The following PCA3 variants were observed in gnomAD, a reference collection of about 807,000 sequenced individuals.
The protein encoded by PCA3 is Differential Display code 3.
chr9:76,771,791 A>AG (rs2053139168), intron 2 of PCA3, among the ~76,000 whole-genome samples: 1 of 152,166 alleles, frequency 6.6e-6, no homozygotes, highest in African/African-American at 2.4e-5. Flanking sequence ...TCCCAGAGGG[A>AG]GAGGCCACTA....
intron 2 of PCA3, among the ~76,000 whole-genome samples, chr9:76,777,289 G>A (rs1177572791): frequency 6.6e-6 from 1 of 152,156 alleles, no homozygotes; most frequent in African/African-American, 2.4e-5. Context: ...TTCTCAGACT[G>A]CCCTGTTCTC....
intron 2 of PCA3, among the ~76,000 whole-genome samples, chr9:76,775,318 A>G (rs2053615702): frequency 6.6e-6 from 1 of 151,776 alleles, no homozygotes; most frequent in Admixed American, 6.6e-5. Flanking sequence ...TTTTTTTGAG[A>G]CAAGGTCTCA....
At chr9:76,782,576 G>T (rs1298590570) in intron 2 of PCA3, 1 of 152,204 alleles carries the variant, frequency 6.6e-6, no homozygotes, top group African/African-American at 2.4e-5. Flanking sequence ...CCAGCCATAT[G>T]TTAAGTTCCA....
intron 2 of PCA3, among the ~76,000 whole-genome samples, chr9:76,769,545 C>G (rs1450281873): frequency 6.6e-6 from 1 of 152,244 alleles, no homozygotes; most frequent in African/African-American, 2.4e-5. Flanking sequence ...CCTGCCTCAG[C>G]CTCCCAAGTA....
chr9:76,775,359 C>T (rs1229425144), intron 2 of PCA3, among the ~76,000 whole-genome samples: 4 of 152,118 alleles, frequency 2.6e-5, no homozygotes, highest in African/African-American at 9.7e-5. Context: ...TGCAGTTGCA[C>T]GATCACAGTT....
chr9:76,773,726 G>T (rs2053384598), intron 2 of PCA3, among the ~76,000 whole-genome samples: 1 of 152,176 alleles, frequency 6.6e-6, no homozygotes, highest in Non-Finnish European at 1.5e-5. Flanking sequence ...TTACAGGCGT[G>T]AGCCACCGCA....
intron 2 of PCA3, among the ~76,000 whole-genome samples, chr9:76,768,304 T>C (rs1219354298): frequency 1.3e-5 from 2 of 152,160 alleles, no homozygotes; most frequent in Non-Finnish European, 2.9e-5. Context: ...ACAATTCTCC[T>C]ACCTCAGCCT....
At chr9:76,779,194 G>A (rs1254132342) in intron 2 of PCA3, among the ~76,000 whole-genome samples, 1 of 150,758 alleles carries the variant, frequency 6.6e-6, no homozygotes, top group Non-Finnish European at 1.5e-5. Context: ...ATATGCAGAA[G>A]ATAATTAAAT....
chr9:76,780,406 G>A (rs937560224), intron 2 of PCA3, among the ~76,000 whole-genome samples: 7 of 152,060 alleles, frequency 4.6e-5, no homozygotes, highest in South Asian at 2.1e-4. Flanking sequence ...ACCAAGCAGC[G>A]GCCAGGCACG....
chr9:76,770,462 T>C (rs898954734), intron 2 of PCA3, among the ~76,000 whole-genome samples: 1 of 152,136 alleles, frequency 6.6e-6, no homozygotes, highest in African/African-American at 2.4e-5. Context: ...AATGAATATA[T>C]GATTCAAAAA....
At chr9:76,783,544 G>T (rs1167949347) in intron 2 of PCA3, among the ~76,000 whole-genome samples, 2 of 152,168 alleles carry the variant, frequency 1.3e-5, no homozygotes, top group African/African-American at 4.8e-5. Context: ...CCTGCCAACA[G>T]CCCACTGAAA....
Position 76,766,044 on chromosome 9 carries a change from G to A in PCA3, n.852+29429G>A, listed in dbSNP as rs138258063. The stretch of plus-strand genomic sequence containing the variant: ...AAAAATACAAAAAAAATAGCCGCGC[G>A]TGGTGGCAGGCACCTGTAGTCCCAG... On this transcript the variant is annotated intron_variant and non_coding_transcript_variant, in intron 2 of 5. Coordinates refer to ENST00000644657, the Ensembl canonical transcript of PCA3. Among the ~76,000 whole-genome samples the A allele has an allele frequency of 2.2e-3, 337 of 152,010 alleles. 3 individuals carry two copies. Among genetic ancestry groups the A allele is most frequent in the African/African-American group, 7.9e-3 (327 of 41,472 alleles).
At chr9:76,778,999 C>G (rs2054089943) in intron 2 of PCA3, 1 of 152,136 alleles carries the variant, frequency 6.6e-6, no homozygotes, top group African/African-American at 2.4e-5. Context: ...AGCTGCATCA[C>G]TAGTCATCTT....
chr9:76,768,069 C>G (rs1269435509), intron 2 of PCA3, among the ~76,000 whole-genome samples: 2 of 152,330 alleles, frequency 1.3e-5, no homozygotes, highest in Middle Eastern at 3.4e-3. Context: ...CACCTCCCAG[C>G]CCCACCAATC....
intron 2 of PCA3, among the ~76,000 whole-genome samples, chr9:76,774,687 G>A (rs1054546103): frequency 9.2e-5 from 14 of 151,918 alleles, no homozygotes; most frequent in African/African-American, 1.7e-4. Context: ...TCGAATTCCC[G>A]ACCTCAGGTG....
chr9:76,783,015 A>G (rs1259554934), intron 2 of PCA3, among the ~76,000 whole-genome samples: 1 of 152,134 alleles, frequency 6.6e-6, no homozygotes, highest in East Asian at 1.9e-4. Flanking sequence ...CATTTTCCTT[A>G]GGTTTCTTTT....
chr9:76,777,528 A>G (rs566776249), intron 2 of PCA3, among the ~76,000 whole-genome samples: 18 of 152,168 alleles, frequency 1.2e-4, no homozygotes, highest in Non-Finnish European at 2.2e-4. Context: ...CGCCTTCCCA[A>G]ATGTATTCAT....
chr9:76,767,511 C>A (rs530680459), intron 2 of PCA3, among the ~76,000 whole-genome samples: 1 of 152,032 alleles, frequency 6.6e-6, no homozygotes. Flanking sequence ...CTTTCCACTT[C>A]TTCCTTGCCC....
chr9:76,765,601 T>C (rs1343805658), intron 2 of PCA3, among the ~76,000 whole-genome samples: 1 of 152,186 alleles, frequency 6.6e-6, no homozygotes, highest in Admixed American at 6.5e-5. Flanking sequence ...GTAAACTATC[T>C]ATCCATCCAT....
Sources: gnomAD v4.1 joint callset for allele counts (sites outside exome capture counted in the v4.1 genomes callset) on GRCh38, gnomAD v4.1.1 for gene constraint, MANE v1.5 for transcripts, NCBI Gene and HGNC (gene_info 2026-07-23, HGNC 2026-07-21) for gene names.